CADM2: variants seen among roughly 807,000 people sequenced by gnomAD.
CADM2 encodes the protein immunoglobulin superfamily member 4D.
In CADM2, 12 loss-of-function variants were observed where a neutral mutation model predicts 49.8. The ratio of observed to expected loss-of-function variants is 0.24; its 90% CI spans 0.15 to 0.39. CADM2 has a LOEUF of 0.39. CADM2 is among the 10% of genes least tolerant of loss of function. CADM2 has a pLI of 1.00. For synonymous variants in CADM2, 214 were observed against 175.4 expected, an observed-to-expected ratio of 1.22 and a Z score of -1.74; for missense variants, 378 against 492.3, an observed-to-expected ratio of 0.77 and a Z score of 2.20.
Position 85,089,050 on chromosome 3 carries a change from T to C in CADM2, c.61+129382T>C, listed in dbSNP as rs2037494766. Among the ~76,000 whole-genome samples the C allele has an allele frequency of 3.9e-5, 6 of 152,182 alleles. No homozygotes were observed. The South Asian group carries it at 1.2e-3, about 31-fold the overall frequency. ...ATTCATGATCTGGAGCTCTAGACAA[T>C]CTGAAACAGTCTTAAAGCTGAATAA... is the stretch of plus-strand genomic sequence containing the variant. On this transcript the variant is annotated intron_variant, in intron 1 of 9. Transcript: ENST00000383699.
At chr3:85,982,450 T>G (rs1213800690) in intron 8 of CADM2, among the ~76,000 whole-genome samples, 1 of 151,636 alleles carries the variant, frequency 6.6e-6, no homozygotes, top group Non-Finnish European at 1.5e-5. Context: ...TTTAAAAAGT[T>G]TTTTTGTAAG....
Position 85,968,339 on chromosome 3 carries a change from A to G in CADM2, c.970+6692A>G, listed in dbSNP as rs138241454. On this transcript the variant is annotated intron_variant, in intron 8 of 9. Coordinates refer to ENST00000383699, the MANE Select transcript of CADM2 (RefSeq NM_001167675.2). ...TAGAGACAGGAGCACTATTTTCATT[A>G]CAAAACATTTTAAAAGGTGTATGTG... is the stretch of plus-strand genomic sequence containing the variant. Among the ~76,000 whole-genome samples, 4 of 151,786 alleles carry G rather than the reference A, an allele frequency of 2.6e-5. No homozygotes were observed. The East Asian group carries it at 7.8e-4, about 30-fold the overall frequency.
In CADM2 at chr3:85,974,228, C is replaced by A. The variant is rs1726507972; in HGVS notation, c.970+12581C>A. Among the ~76,000 whole-genome samples the A allele has an allele frequency of 2.6e-5, 4 of 151,408 alleles. No individual in the cohort carries two copies. In the South Asian group the frequency reaches 6.2e-4, roughly 24 times the overall value. ...TTTCCATATGAGATCCTATTTGAAC[C>A]AGGATTTAAAGGATGGACATGAATG... On this transcript the variant is annotated intron_variant, in intron 8 of 9. Transcript: ENST00000383699.
chr3:85,836,303 G>A (rs2074407876), intron 3 of CADM2, among the ~76,000 whole-genome samples: 1 of 151,618 alleles, frequency 6.6e-6, no homozygotes, highest in South Asian at 2.1e-4. Context: ...ATGACCATTT[G>A]CTACTGGTGC....
chr3:85,665,543 C>T (rs1242324580), intron 1 of CADM2, among the ~76,000 whole-genome samples: 1 of 151,958 alleles, frequency 6.6e-6, no homozygotes, highest in Non-Finnish European at 1.5e-5. Context: ...TTAACTCTGA[C>T]ATCTAAGCTG....
rs1244099666 is a variant in CADM2 at position 85,432,613 on chromosome 3, A to G, written c.62-293909A>G. Among the ~76,000 whole-genome samples, 3 of 152,168 alleles carry G rather than the reference A, an allele frequency of 2.0e-5. No homozygotes were observed. The East Asian group carries it at 5.8e-4, about 29-fold the overall frequency. ...TTTTTAGTAGCAGTAACAGAAATGT[A>G]GTGTACATAAAACAACACCAACAAA... On this transcript the variant is annotated intron_variant, in intron 1 of 9. Coordinates refer to ENST00000383699, the MANE Select transcript of CADM2 (RefSeq NM_001167675.2).
chr3:85,865,383 G>A (rs1378246285), intron 3 of CADM2, among the ~76,000 whole-genome samples: 1 of 151,684 alleles, frequency 6.6e-6, no homozygotes, highest in East Asian at 1.9e-4. Context: ...ATGTGTGTAT[G>A]TTGCTTTTTC....
At chr3:85,629,155 G>T (rs1399550736) in intron 1 of CADM2, among the ~76,000 whole-genome samples, 1 of 151,678 alleles carries the variant, frequency 6.6e-6, no homozygotes, top group Non-Finnish European at 1.5e-5. Context: ...ATATATATAT[G>T]TTTTTAAGTA....
At chr3:85,916,022 T>C (rs1308355786) in intron 6 of CADM2, among the ~76,000 whole-genome samples, 2 of 152,152 alleles carry the variant, frequency 1.3e-5, no homozygotes, top group Non-Finnish European at 1.5e-5. Context: ...TAGGAGGACT[T>C]ATATTTCTAG....
intron 1 of CADM2, among the ~76,000 whole-genome samples, chr3:85,391,670 G>A (rs2034524852): frequency 1.3e-5 from 2 of 152,106 alleles, no homozygotes; most frequent in Admixed American, 1.3e-4. Flanking sequence ...AACCAAGCAA[G>A]CAGTACCAGC....
chr3:85,949,176 T>C (rs757480331), intron 7 of CADM2, among the ~76,000 whole-genome samples: 5 of 151,148 alleles, frequency 3.3e-5, no homozygotes, highest in Non-Finnish European at 7.4e-5. Context: ...TATTAATGAG[T>C]TACAAAATCA....
intron 1 of CADM2, among the ~76,000 whole-genome samples, chr3:85,046,234 G>A (rs888550574): frequency 2.0e-5 from 3 of 151,270 alleles, no homozygotes; most frequent in Non-Finnish European, 2.9e-5. Context: ...ATCATGTTGC[G>A]TTATTCCAAA....
intron 1 of CADM2, among the ~76,000 whole-genome samples, chr3:85,651,935 A>C (rs1471638624): frequency 1.3e-4 from 18 of 143,920 alleles, no homozygotes; most frequent in African/African-American, 4.4e-4. Context: ...CTCTTGCCTT[A>C]GCCTCCCGAG....
At chr3:86,014,475 G>C in intron 8 of CADM2, 1 of 1,511,966 alleles carries the variant, frequency 6.6e-7, no homozygotes, top group South Asian at 1.3e-5. Flanking sequence ...AACCAAACTT[G>C]ATATTCAAAT....
chr3:86,031,499 T>C (rs1734554840), intron 8 of CADM2, among the ~76,000 whole-genome samples: 5 of 151,846 alleles, frequency 3.3e-5, no homozygotes, highest in Admixed American at 3.3e-4. Context: ...AAACCTTGAT[T>C]ATATATGAAC....
chr3:85,909,418 AT>A (rs1226078418), intron 5 of CADM2, among the ~76,000 whole-genome samples: 1 of 150,688 alleles, frequency 6.6e-6, no homozygotes, highest in African/African-American at 2.4e-5. Context: ...ATATATATAT[AT>A]AATGTCCAAT....
intron 1 of CADM2, among the ~76,000 whole-genome samples, chr3:85,562,382 G>A: frequency 6.7e-6 from 1 of 150,008 alleles, no homozygotes; most frequent in Non-Finnish European, 1.5e-5. Context: ...GGAGGCTGAG[G>A]CAGGATAACC....
chr3:85,275,449 A>C (rs1334046328), intron 1 of CADM2, among the ~76,000 whole-genome samples: 2 of 151,576 alleles, frequency 1.3e-5, no homozygotes, highest in African/African-American at 4.8e-5. Context: ...TGTTTTATGT[A>C]GATAGAAAAC....
intron 1 of CADM2, among the ~76,000 whole-genome samples, chr3:85,009,636 C>T (rs1221657584): frequency 2.0e-5 from 3 of 152,162 alleles, no homozygotes; most frequent in South Asian, 2.1e-4. Flanking sequence ...GAAGCCAAGG[C>T]GGACGGATTG....
Sources: gnomAD v4.1 joint callset for allele counts (sites outside exome capture counted in the v4.1 genomes callset) on GRCh38, gnomAD v4.1.1 for gene constraint, MANE v1.5 for transcripts, NCBI Gene and HGNC (gene_info 2026-07-23, HGNC 2026-07-21) for gene names.